The following CFAP44 variants were observed in gnomAD, a reference collection of about 807,000 sequenced individuals.
CFAP44 encodes the protein cilia- and flagella-associated protein 44.
Under a neutral mutation model 216.2 loss-of-function variants are expected in CFAP44, and 134 were observed. The ratio of observed to expected loss-of-function variants is 0.62; its 90% CI spans 0.54 to 0.72. CFAP44 has a LOEUF of 0.72. Ranked by LOEUF, CFAP44 falls within the 30% of genes least tolerant of loss-of-function variation. CFAP44 has a pLI of 0.00. For synonymous variants in CFAP44, 700 were observed against 727.6 expected (o/e 0.96, Z 0.61); for missense variants, 2,035 against 2,182.1 (o/e 0.93, Z 1.34).
At chr3:113,378,209 T>C (rs1933405302) in intron 17 of CFAP44, among the ~76,000 whole-genome samples, 1 of 152,174 alleles carries the variant, frequency 6.6e-6, no homozygotes, top group African/African-American at 2.4e-5. Flanking sequence ...TTGTATTACA[T>C]TAATTGTTTC....
intron 21 of CFAP44, chr3:113,360,272 TATC>T (rs34074077): frequency 0.24 from 45,732 of 187,528 alleles, 5,736 homozygotes; most frequent in East Asian, 0.41. Context: ...GCCATGTTAT[TATC>T]AAGTGAGATA....
chr3:113,412,418 A>C (rs1438364585), intron 6 of CFAP44, among the ~76,000 whole-genome samples: 5 of 140,346 alleles, frequency 3.6e-5, no homozygotes, highest in African/African-American at 1.0e-4. Context: ...ATTTCTTCTA[A>C]AAAAAAAAAG....
chr3:113,433,654 G>A lies in CFAP44; in HGVS notation c.11C>T (p.Pro4Leu), dbSNP rs752885039. Reference protein sequence around the residue: MKEPDDQDTDGEKS... With the variant: MKELDDQDTDGEKS... The stretch of plus-strand genomic sequence containing the variant: ...CTCCCCATCAGTATCCTGATCATCT[G>A]GTTCCTTCATTTCCTCTGTAAGTAC... The change falls in exon 2 of 35, where the codon CCA becomes CTA. Residue 4 changes from proline (P) to leucine (L), a missense_variant. Transcript: ENST00000393845. 5.0e-5 allele frequency: 80 copies of A among 1,612,500 alleles called. No individual in the cohort carries two copies. The Admixed American group carries it at 5.7e-4, about 11-fold the overall frequency.
At position 113,401,101 on chromosome 3, in the gene CFAP44, T is replaced by C. The variant is rs1186070429; in HGVS notation, c.1374+139A>G. ...AAAATCATAACGAGAGAGAGAATTC[T>C]CAAGAGTAGCACATGTTAGGCAAGT... On this transcript the variant is annotated intron_variant, in intron 11 of 34. Transcript: ENST00000393845. The C allele has an allele frequency of 8.8e-6, 6 of 682,356 alleles. No homozygotes were observed. The Middle Eastern group carries it at 9.3e-4, about 105-fold the overall frequency. 42.3% of individuals were successfully genotyped at this position (682,356 alleles called of 1,614,324 possible).
At position 113,403,932 on chromosome 3, in the gene CFAP44, ACT is replaced by A. The variant is rs751133767; in HGVS notation, c.1088_1089del (p.Lys363IlefsTer8). The A allele has an allele frequency of 1.2e-6, 2 of 1,614,166 alleles. No individual in the cohort carries two copies. Among genetic ancestry groups the A allele is most frequent in the Admixed American group, 3.3e-5 (2 of 60,028 alleles). On this transcript the variant is annotated frameshift_variant, in exon 9 of 35. Coordinates refer to ENST00000393845, the MANE Select transcript of CFAP44 (RefSeq NM_001164496.2). LOFTEE classifies it high-confidence loss of function. ...IKVELCRGTS[K>X]SCHNGPINQI... Reference sequence around the variant, plus strand: ...TGGTTAATGGGACCATTGTGACATGACTTGCTTGTCCCTCGACAGAGCTCCAC... The same window carrying A: ...TGGTTAATGGGACCATTGTGACATGATGCTTGTCCCTCGACAGAGCTCCAC...
At chr3:113,305,269 G>A (rs1949974407) in intron 30 of CFAP44, 117 bp from the exon 31 acceptor site, 2 of 866,226 alleles carry the variant, frequency 2.3e-6, no homozygotes, top group South Asian at 1.7e-5. Context: ...GCTTTGTTGG[G>A]CTGTGATTAA....
intron 18 of CFAP44, among the ~76,000 whole-genome samples, chr3:113,367,440 G>C (rs1484034651): frequency 6.6e-6 from 1 of 152,186 alleles, no homozygotes; most frequent in Non-Finnish European, 1.5e-5. Context: ...CAGGCAAACA[G>C]GGCCTGGAGT....
intron 1 of CFAP44, 126 bp from the exon 2 acceptor site, chr3:113,433,795 C>A (rs1254754000): frequency 1.4e-6 from 1 of 717,532 alleles, no homozygotes; most frequent in Non-Finnish European, 2.4e-6. Flanking sequence ...TGCACAGGAT[C>A]CAGGATGACC....
chr3:113,332,248 C>T (rs1950246852), intron 25 of CFAP44, among the ~76,000 whole-genome samples: 1 of 152,038 alleles, frequency 6.6e-6, no homozygotes, highest in African/African-American at 2.4e-5. Flanking sequence ...CTTAGAAGAA[C>T]AACTAGGAAA....
intron 18 of CFAP44, among the ~76,000 whole-genome samples, chr3:113,372,693 C>T (rs1933209641): frequency 6.6e-6 from 1 of 151,926 alleles, no homozygotes; most frequent in Non-Finnish European, 1.5e-5. Flanking sequence ...CAAATGTGCA[C>T]GTTGTGCACA....
chr3:113,380,417 C>T (rs973254314), intron 16 of CFAP44, among the ~76,000 whole-genome samples: 7 of 152,036 alleles, frequency 4.6e-5, no homozygotes, highest in African/African-American at 1.7e-4. Flanking sequence ...CCTATTTTCA[C>T]CTCTCAAAAT....
intron 6 of CFAP44, among the ~76,000 whole-genome samples, chr3:113,412,335 G>T (rs948562434): frequency 6.6e-6 from 1 of 151,850 alleles, no homozygotes; most frequent in African/African-American, 2.4e-5. Flanking sequence ...CTTGCACAAG[G>T]TCTAAGAACC....
At chr3:113,414,612 G>A (rs1934589406) in intron 6 of CFAP44, among the ~76,000 whole-genome samples, 1 of 152,198 alleles carries the variant, frequency 6.6e-6, no homozygotes, top group Non-Finnish European at 1.5e-5. Context: ...CATCTATTGA[G>A]ATAATCATGT....
chr3:113,293,376 C>T (rs1949849683), intron 34 of CFAP44, among the ~76,000 whole-genome samples: 1 of 152,198 alleles, frequency 6.6e-6, no homozygotes, highest in African/African-American at 2.4e-5. Flanking sequence ...CTTCACCATG[C>T]ATTAGCTCTA....
At chr3:113,405,826 A>G (rs1020086097) in intron 8 of CFAP44, among the ~76,000 whole-genome samples, 4 of 152,200 alleles carry the variant, frequency 2.6e-5, no homozygotes, top group Admixed American at 6.5e-5. Context: ...TAATTCTTAC[A>G]GTATTGAGAA....
chr3:113,400,804 T>C, intron 11 of CFAP44, 160 bp from the exon 12 acceptor site: 2 of 669,114 alleles, frequency 3.0e-6, no homozygotes, highest in Non-Finnish European at 5.0e-6. Flanking sequence ...TGGTTCAGAA[T>C]TAGGAGAACC....
At chr3:113,433,096 G>C (rs1470182191) in intron 2 of CFAP44, among the ~76,000 whole-genome samples, 1 of 151,642 alleles carries the variant, frequency 6.6e-6, no homozygotes, top group Non-Finnish European at 1.5e-5. Flanking sequence ...CATTTTTATG[G>C]AGCCCACCTT....
chr3:113,338,160 G>A (rs1950297143), intron 24 of CFAP44, among the ~76,000 whole-genome samples: 1 of 148,930 alleles, frequency 6.7e-6, no homozygotes, highest in Non-Finnish European at 1.5e-5. Context: ...GGGAGGCTGA[G>A]GTGGGAGGAT....
rs1257610681 is a variant in CFAP44 at position 113,380,805 on chromosome 3, T to C, written c.2052+94A>G. 2.8e-6 allele frequency: 3 copies of C among 1,082,842 alleles called. No individual in the cohort carries two copies. In the African/African-American group the frequency reaches 4.9e-5, roughly 18 times the overall value. The allele number at this position is 1,082,842 out of a possible 1,614,324, so 67.1% of individuals were successfully genotyped here. A position where few individuals can be genotyped will look rare whatever the true frequency, so the allele number is the denominator to read the frequency against. On this transcript the variant is annotated intron_variant, in intron 16 of 34. Coordinates refer to ENST00000393845, the MANE Select transcript of CFAP44 (RefSeq NM_001164496.2). Reference sequence around the variant, plus strand: ...CTTAAGTTCAGGGCCTATGTTTTATTCTTTTGTGTATTCCATCAGCACTTA... The same window carrying C: ...CTTAAGTTCAGGGCCTATGTTTTATCCTTTTGTGTATTCCATCAGCACTTA...
Sources: gnomAD v4.1 joint callset for allele counts (sites outside exome capture counted in the v4.1 genomes callset) on GRCh38, gnomAD v4.1.1 for gene constraint, MANE v1.5 for transcripts, NCBI Gene and HGNC (gene_info 2026-07-23, HGNC 2026-07-21) for gene names.